Variants in TENM2 observed in about 807,000 individuals in gnomAD.
TENM2 encodes the protein teneurin-2.
In TENM2, 52 loss-of-function variants were observed where a neutral mutation model predicts 245.2. The observed-to-expected ratio is 0.21, with a 90% confidence interval of 0.17 to 0.27. The LOEUF (loss-of-function observed/expected upper bound fraction) is 0.27, where lower values mean the gene tolerates loss of function less well. Among genes scored for constraint, TENM2 ranks in the 10% least tolerant of loss-of-function variants. The pLI, the probability that TENM2 is intolerant of heterozygous loss-of-function variation, is 1.00. For missense variants in TENM2, 3,046 were observed against 3,666.8 expected, an observed-to-expected ratio of 0.83 and a Z score of 4.37; for synonymous variants, 1,363 against 1,438.9, an observed-to-expected ratio of 0.95 and a Z score of 1.19.
In TENM2 at chr5:167,564,954, T is replaced by G. The variant is rs575282129; in HGVS notation, c.502+189481T>G. On this transcript the variant is annotated intron_variant, in intron 2 of 28. Transcript: ENST00000518659. Reference sequence around the variant, plus strand: ...AGTATGAGAGAGAACTATACAAGACTGTGAATACACGAAGGTAAGATACAT... The same window carrying G: ...AGTATGAGAGAGAACTATACAAGACGGTGAATACACGAAGGTAAGATACAT... Among the ~76,000 whole-genome samples the G allele has an allele frequency of 3.9e-5, 6 of 152,332 alleles. No homozygotes were observed. In the East Asian group the frequency reaches 1.2e-3, roughly 29 times the overall value.
intron 2 of TENM2, among the ~76,000 whole-genome samples, chr5:167,809,381 T>C (rs1407698111): frequency 2.6e-5 from 4 of 152,074 alleles, no homozygotes; most frequent in African/African-American, 9.7e-5. Context: ...ATCCCACCCA[T>C]GGATGAGAGT....
intron 1 of TENM2, among the ~76,000 whole-genome samples, chr5:167,344,657 A>C (rs1479025287): frequency 1.3e-5 from 2 of 152,234 alleles, no homozygotes; most frequent in Non-Finnish European, 2.9e-5. Context: ...GCAATCAGCC[A>C]GGAACTTTGG....
intron 2 of TENM2, among the ~76,000 whole-genome samples, chr5:167,481,259 A>G (rs1459833774): frequency 6.6e-6 from 1 of 152,234 alleles, no homozygotes; most frequent in Non-Finnish European, 1.5e-5. Flanking sequence ...CCACAGACCA[A>G]ATATGGCCTG....
chr5:167,018,531 T>C, the TENM2 span, among the ~76,000 whole-genome samples: 1 of 152,116 alleles, frequency 6.6e-6, no homozygotes, highest in African/African-American at 2.4e-5. Flanking sequence ...CTAAGAACAA[T>C]ATGTCATGAA....
the TENM2 span, among the ~76,000 whole-genome samples, chr5:167,119,889 A>G: frequency 1.3e-5 from 2 of 152,234 alleles, no homozygotes; most frequent in Non-Finnish European, 2.9e-5. Context: ...TAATGTGACA[A>G]GAAATGTGAT....
chr5:167,049,255 C>T, the TENM2 span, among the ~76,000 whole-genome samples: 5 of 152,328 alleles, frequency 3.3e-5, no homozygotes, highest in Non-Finnish European at 5.9e-5. Context: ...GGCAAATCAG[C>T]GCCCTCTAGG....
chr5:168,020,882 C>T (rs373878338), intron 5 of TENM2, among the ~76,000 whole-genome samples: 9 of 152,162 alleles, frequency 5.9e-5, no homozygotes, highest in African/African-American at 1.9e-4. Flanking sequence ...TTGGTTCACC[C>T]GTTCATCTGC....
At chr5:168,043,960 A>G (rs533902929) in intron 5 of TENM2, among the ~76,000 whole-genome samples, 4 of 152,236 alleles carry the variant, frequency 2.6e-5, no homozygotes, top group Non-Finnish European at 5.9e-5. Context: ...TGAAGCAGAT[A>G]GCCACCTCCC....
At chr5:167,385,383 A>G (rs1761357909) in intron 2 of TENM2, among the ~76,000 whole-genome samples, 4 of 150,192 alleles carry the variant, frequency 2.7e-5, no homozygotes, top group African/African-American at 7.3e-5. Flanking sequence ...TTTTTTTTCA[A>G]GCTTTCTGCT....
chr5:167,793,650 C>T (rs1017804388), intron 2 of TENM2, among the ~76,000 whole-genome samples: 2 of 151,534 alleles, frequency 1.3e-5, no homozygotes, highest in Admixed American at 6.6e-5. Flanking sequence ...GCCTGGGCAA[C>T]ATGGTGAAAC....
At chr5:167,717,254 C>A (rs1759334882) in intron 2 of TENM2, among the ~76,000 whole-genome samples, 1 of 152,148 alleles carries the variant, frequency 6.6e-6, no homozygotes, top group African/African-American at 2.4e-5. Flanking sequence ...CCATGCCCGG[C>A]CAACTTTGGT....
At chr5:168,144,946 T>C (rs1376271542) in intron 12 of TENM2, among the ~76,000 whole-genome samples, 6 of 151,454 alleles carry the variant, frequency 4.0e-5, no homozygotes, top group African/African-American at 1.2e-4. Context: ...ACGAGCATTT[T>C]TTCATGTGTT....
the TENM2 span, among the ~76,000 whole-genome samples, chr5:167,268,873 C>CATAGATAGATAGATAGATAGATAG: frequency 1.4e-5 from 2 of 139,596 alleles, no homozygotes; most frequent in African/African-American, 2.7e-5. Flanking sequence ...CCAAAAGATA[C>CATAGATAGATAGATAGATAGATAG]ATAGATAGAT....
chr5:167,717,807 G>A (rs1240970910), intron 2 of TENM2, among the ~76,000 whole-genome samples: 1 of 152,186 alleles, frequency 6.6e-6, no homozygotes, highest in East Asian at 1.9e-4. Context: ...TGTAACCTCT[G>A]TGGGGTAGAA....
chr5:168,090,496 G>T, intron 7 of TENM2, 78 bp from the exon 10 acceptor site: 1 of 1,322,998 alleles, frequency 7.6e-7, no homozygotes, highest in Non-Finnish European at 1.0e-6. Context: ...TTAACAAATG[G>T]GTTCGGGGGG....
chr5:167,356,201 AAAAAAAAAAAAAAAAAAAAATT>A (rs1759313064), intron 1 of TENM2, among the ~76,000 whole-genome samples: 1 of 142,516 alleles, frequency 7.0e-6, no homozygotes, highest in Non-Finnish European at 1.5e-5. Flanking sequence ...AAAAAAAAAA[AAAAAAAAAAAAAAAAAAAAATT>A]AAAATTAAAA....
At chr5:167,938,945 A>G (rs2151754234) in intron 3 of TENM2, among the ~76,000 whole-genome samples, 1 of 122,128 alleles carries the variant, frequency 8.2e-6, no homozygotes, top group East Asian at 2.4e-4. Flanking sequence ...TCCGTCTCAA[A>G]AAAAAAAAAA....
At chr5:167,192,132 C>A in the TENM2 span, among the ~76,000 whole-genome samples, 1 of 152,048 alleles carries the variant, frequency 6.6e-6, no homozygotes, top group Non-Finnish European at 1.5e-5. Flanking sequence ...CACCTCCTTC[C>A]TCTCATCTTA....
rs373953588 is a variant in TENM2 at position 167,375,424 on chromosome 5, C to T, written c.453C>T (p.Ala151=). 132 of 1,551,704 alleles carry T rather than the reference C, an allele frequency of 8.5e-5. No homozygotes were observed. In the African/African-American group the frequency reaches 1.6e-3, roughly 19 times the overall value. ...GCCTGTCCAGTCGTGAAAACTCGGC[C>T]CTTACCCTGACTGACTCTGACAACG... The change falls in exon 2 of 29, where the codon GCC becomes GCT. Residue 151 remains alanine (A), a synonymous_variant. Coordinates refer to ENST00000518659, the Ensembl canonical transcript of TENM2.
Sources: gnomAD v4.1 joint callset for allele counts (sites outside exome capture counted in the v4.1 genomes callset) on GRCh38, gnomAD v4.1.1 for gene constraint, MANE v1.5 for transcripts, NCBI Gene and HGNC (gene_info 2026-07-23, HGNC 2026-07-21) for gene names.